The following FANCB variants were observed in gnomAD, a reference collection of about 807,000 sequenced individuals.
FANCB encodes FA complementation group B, also known as Fanconi anemia group B protein.
In FANCB, 5 loss-of-function variants were observed where a neutral mutation model predicts 38.9. That is an observed-to-expected ratio of 0.13 (90% CI 0.07 to 0.27). The LOEUF (loss-of-function observed/expected upper bound fraction) is 0.27, where lower values mean the gene tolerates loss of function less well. Among genes scored for constraint, FANCB ranks in the 10% least tolerant of loss-of-function variants. The pLI is 1.00. For missense variants in FANCB, 573 were observed against 602.7 expected, an observed-to-expected ratio of 0.95 and a Z score of 0.52; for synonymous variants, 236 against 215.4, an observed-to-expected ratio of 1.10 and a Z score of -0.84.
At chrX:14,705,421 C>A in the FANCB span, among the ~76,000 whole-genome samples, 24 of 111,734 alleles carry the variant, frequency 2.1e-4, no homozygotes, top group Non-Finnish European at 4.5e-4. Context: ...TGAGTAGAGA[C>A]CAAGGATGCT....
At chrX:14,717,239 C>T in the FANCB span, among the ~76,000 whole-genome samples, 2 of 109,367 alleles carry the variant, frequency 1.8e-5, no homozygotes, top group East Asian at 5.8e-4. Flanking sequence ...CAGAGAGAAG[C>T]TTTCAGTGCA....
the FANCB span, among the ~76,000 whole-genome samples, chrX:14,824,382 A>G: frequency 8.9e-6 from 1 of 111,961 alleles, no homozygotes; most frequent in Admixed American, 9.5e-5. Context: ...TTTTTTACAC[A>G]TTATGTTTAT....
chrX:14,691,747 A>G, the FANCB span, among the ~76,000 whole-genome samples: 2 of 111,942 alleles, frequency 1.8e-5, no homozygotes, highest in Admixed American at 9.5e-5. Context: ...AGAGGCTATC[A>G]AAAGGCTTGC....
the FANCB span, among the ~76,000 whole-genome samples, chrX:14,799,092 T>G: frequency 9.0e-6 from 1 of 111,624 alleles, no homozygotes; most frequent in South Asian, 3.8e-4. Context: ...GGTGCAAAAA[T>G]GAGTGGCACC....
At chrX:14,704,640 G>A in the FANCB span, among the ~76,000 whole-genome samples, 1 of 111,731 alleles carries the variant, frequency 9.0e-6, no homozygotes, top group African/African-American at 3.3e-5. Flanking sequence ...AGCATCAGAC[G>A]CGAGTATAAC....
the FANCB span, among the ~76,000 whole-genome samples, chrX:14,724,910 CTTCA>C: frequency 9.0e-6 from 1 of 111,372 alleles, no homozygotes; most frequent in African/African-American, 3.3e-5. Context: ...CAGTCAGATT[CTTCA>C]TTCATAATCT....
chrX:14,833,831 T>C (rs2092334094), downstream of FANCB, among the ~76,000 whole-genome samples: 1 of 111,340 alleles, frequency 9.0e-6, no homozygotes, highest in Non-Finnish European at 1.9e-5. Flanking sequence ...TATTTATATA[T>C]GTACACACAA....
At chrX:14,822,208 T>A in the FANCB span, among the ~76,000 whole-genome samples, 1 of 110,377 alleles carries the variant, frequency 9.1e-6, no homozygotes, top group African/African-American at 3.3e-5. Context: ...CAAGCAACTG[T>A]ACTTCCTGAG....
chrX:14,739,468 G>T, the FANCB span, among the ~76,000 whole-genome samples: 1 of 111,939 alleles, frequency 8.9e-6, no homozygotes, highest in Non-Finnish European at 1.9e-5. Context: ...ACTAAGAAAA[G>T]AAAAACCTGG....
At chrX:14,729,641 T>G in the FANCB span, among the ~76,000 whole-genome samples, 5 of 111,436 alleles carry the variant, frequency 4.5e-5, no homozygotes, top group Non-Finnish European at 9.4e-5. Flanking sequence ...ATAAATGAGA[T>G]GAACTAGAGG....
downstream of FANCB, among the ~76,000 whole-genome samples, chrX:14,842,534 TTC>T (rs1484075267): frequency 8.9e-6 from 1 of 112,020 alleles, no homozygotes; most frequent in Non-Finnish European, 1.9e-5. Flanking sequence ...TCTCCTGACG[TTC>T]TCTTATTAAT....
the FANCB span, among the ~76,000 whole-genome samples, chrX:14,817,095 T>G: frequency 9.0e-6 from 1 of 111,590 alleles, no homozygotes; most frequent in Non-Finnish European, 1.9e-5. Flanking sequence ...TCTGTGAGAA[T>G]TCCCCACTGT....
At chrX:14,824,728 A>C in the FANCB span, among the ~76,000 whole-genome samples, 3 of 112,523 alleles carry the variant, frequency 2.7e-5, no homozygotes, top group African/African-American at 9.7e-5. Context: ...GTAACTTAAA[A>C]TCTATTTGCT....
At chrX:14,813,544 G>A in the FANCB span, among the ~76,000 whole-genome samples, 1 of 111,141 alleles carries the variant, frequency 9.0e-6, no homozygotes, top group Non-Finnish European at 1.9e-5. Context: ...CAAACAGAAA[G>A]CCAAATCATG....
chrX:14,691,270 ACTGTGTGTGTGT>A, the FANCB span, among the ~76,000 whole-genome samples: 1 of 43,795 alleles, frequency 2.3e-5, no homozygotes, highest in African/African-American at 8.1e-5. Context: ...CTAAATATTG[ACTGTGTGTGTGT>A]GTGTGTGTGT....
chrX:14,857,043 G>A (rs1263654074), intron 5 of FANCB, among the ~76,000 whole-genome samples: 1 of 111,531 alleles, frequency 9.0e-6, no homozygotes, highest in Non-Finnish European at 1.9e-5. Flanking sequence ...ACCTATGAGT[G>A]AAATATAACA....
At chrX:14,794,141 G>A in the FANCB span, among the ~76,000 whole-genome samples, 1 of 111,668 alleles carries the variant, frequency 9.0e-6, no homozygotes, top group Admixed American at 9.6e-5. Flanking sequence ...AATGGTCCAG[G>A]TTGAAGAGTC....
At chrX:14,856,584 A>T (rs2092424077) in intron 5 of FANCB, among the ~76,000 whole-genome samples, 1 of 111,774 alleles carries the variant, frequency 8.9e-6, no homozygotes, top group Non-Finnish European at 1.9e-5. Flanking sequence ...ATTAAAGTGA[A>T]CTCACTCTAA....
chrX:14,808,114 A>G, the FANCB span, among the ~76,000 whole-genome samples: 1 of 112,040 alleles, frequency 8.9e-6, no homozygotes, highest in Non-Finnish European at 1.9e-5. Flanking sequence ...CAGTGGCTTC[A>G]CTGCTAAGTT....
Sources: gnomAD v4.1 joint callset for allele counts (sites outside exome capture counted in the v4.1 genomes callset) on GRCh38, gnomAD v4.1.1 for gene constraint, MANE v1.5 for transcripts, NCBI Gene and HGNC (gene_info 2026-07-23, HGNC 2026-07-21) for gene names.